RIMS3: variants seen among roughly 807,000 people sequenced by gnomAD.
RIMS3 encodes the protein regulating synaptic membrane exocytosis protein 3.
RIMS3 carries 15 observed loss-of-function variants against 29.2 expected under a neutral mutation model. That is an observed-to-expected ratio of 0.51 (90% CI 0.34 to 0.79). RIMS3 has a LOEUF of 0.79. Among genes scored for constraint, RIMS3 ranks in the 30% least tolerant of loss-of-function variants. The pLI, the probability that RIMS3 is intolerant of heterozygous loss-of-function variation, is 0.01. For synonymous variants in RIMS3, 161 were observed against 170.1 expected (o/e 0.95, Z 0.41); for missense variants, 342 against 421.4 (o/e 0.81, Z 1.65).
chr1:40,639,950 G>A (rs1357759042), intron 3 of RIMS3, among the ~76,000 whole-genome samples: 3 of 152,176 alleles, frequency 2.0e-5, no homozygotes, highest in Admixed American at 2.0e-4. Context: ...CTCTTCTCAA[G>A]ATGAAAGGTC....
At chr1:40,688,184 C>G in the RIMS3 span, among the ~76,000 whole-genome samples, 1 of 152,050 alleles carries the variant, frequency 6.6e-6, no homozygotes, top group African/African-American at 2.4e-5. Flanking sequence ...AGGCTGGTCT[C>G]GAACTCCTGA....
intron 1 of RIMS3, among the ~76,000 whole-genome samples, chr1:40,663,471 C>G (rs573971375): frequency 9.9e-5 from 15 of 152,206 alleles, no homozygotes; most frequent in South Asian, 2.1e-4. Context: ...CCTGCTCCCC[C>G]CTCCCCAGGG....
rs771160935 is a variant in RIMS3, at chr1:40,628,848, G to T, written c.676C>A (p.Leu226Met). Residue 226 changes from leucine to methionine, a missense_variant, in exon 7 of 8, where the codon CTG becomes ATG. Coordinates refer to ENST00000372684, the MANE Select transcript of RIMS3 (RefSeq NM_014747.3). ...CCCTGGGGTCCCTCGTCAAAGAGCA[G>T]AGCCTGCTGGTACAGGGGATCACAG... ...KTCDPLYQQA[L>M]LFDEGPQGKV... is the part of the protein sequence containing the mutation. 3.7e-6 allele frequency: 6 copies of T among 1,614,032 alleles called. No homozygotes were observed. The East Asian group carries it at 1.3e-4, about 36-fold the overall frequency.
chr1:40,641,219 C>T (rs980737933), intron 3 of RIMS3, among the ~76,000 whole-genome samples: 9 of 152,280 alleles, frequency 5.9e-5, no homozygotes, highest in Admixed American at 6.5e-5. Context: ...GTGACCCTCC[C>T]GCTTCTCCCT....
In RIMS3 at chr1:40,626,342, G is replaced by A. The variant is rs983307317; in HGVS notation, c.*175C>T. 26 of 660,930 alleles carry A rather than the reference G, an allele frequency of 3.9e-5. No homozygotes were observed. The highest frequency in any genetic ancestry group is 1.1e-4 in the East Asian group (4 of 36,640). 40.9% of individuals were successfully genotyped at this position (660,930 alleles called of 1,614,324 possible). A position where few individuals can be genotyped will look rare whatever the true frequency, so the allele number is the denominator to read the frequency against. ...TGGTCACGTACACACACACACACAC[G>A]CACGCACACACGCACACACTACAGT... On this transcript the variant is annotated 3_prime_UTR_variant, in exon 8 of 8. Coordinates refer to ENST00000372684, the MANE Select transcript of RIMS3 (RefSeq NM_014747.3).
chr1:40,657,746 CAAAAAAAA>C (rs34448324), intron 1 of RIMS3, among the ~76,000 whole-genome samples: 1 of 88,126 alleles, frequency 1.1e-5, no homozygotes, highest in Non-Finnish European at 2.2e-5. Flanking sequence ...GACAATGTCT[CAAAAAAAA>C]AAAAAAAAAA....
At chr1:40,672,995 C>T in the RIMS3 span, among the ~76,000 whole-genome samples, 1 of 152,026 alleles carries the variant, frequency 6.6e-6, no homozygotes, top group African/African-American at 2.4e-5. Flanking sequence ...ATCTGACCAA[C>T]ATGGTGAAAA....
At chr1:40,630,318 C>T (rs1192514904) in intron 5 of RIMS3, among the ~76,000 whole-genome samples, 2 of 152,124 alleles carry the variant, frequency 1.3e-5, no homozygotes, top group African/African-American at 2.4e-5. Context: ...TGTCAGTTAC[C>T]TGATTTCTAG....
chr1:40,680,809 TATTA>T, the RIMS3 span, among the ~76,000 whole-genome samples: 56 of 152,338 alleles, frequency 3.7e-4, no homozygotes, highest in East Asian at 3.1e-3. Context: ...TTTCATGATC[TATTA>T]ATTATTTATG....
chr1:40,634,403 G>A (rs1262959501), intron 4 of RIMS3, among the ~76,000 whole-genome samples: 2 of 152,180 alleles, frequency 1.3e-5, no homozygotes, highest in Non-Finnish European at 1.5e-5. Flanking sequence ...TTAGGACAAT[G>A]ATATCTGAGA....
chr1:40,629,925 A>C (rs12749490), intron 5 of RIMS3, among the ~76,000 whole-genome samples: 6,370 of 152,004 alleles, frequency 0.042, 151 homozygotes, highest in Non-Finnish European at 0.056. Context: ...AAATACAAAA[A>C]ATTAGCCAGG....
At chr1:40,627,966 CA>C (rs1247351063) in intron 7 of RIMS3, among the ~76,000 whole-genome samples, 1 of 152,164 alleles carries the variant, frequency 6.6e-6, no homozygotes, top group East Asian at 1.9e-4. Context: ...CCCAGAGGAG[CA>C]GCCCTAGATG....
chr1:40,679,374 T>C, the RIMS3 span, among the ~76,000 whole-genome samples: 781 of 152,290 alleles, frequency 5.1e-3, 2 homozygotes, highest in Non-Finnish European at 8.8e-3. Flanking sequence ...AAGAAGTGTC[T>C]GGGGAATGTA....
intron 3 of RIMS3, among the ~76,000 whole-genome samples, chr1:40,637,922 C>T (rs1007706372): frequency 6.6e-6 from 1 of 152,162 alleles, no homozygotes. Flanking sequence ...TCTGTGGGGG[C>T]TCCCTCGCCT....
chr1:40,650,530 CTG>C (rs1224835807), intron 1 of RIMS3, among the ~76,000 whole-genome samples: 1 of 152,160 alleles, frequency 6.6e-6, no homozygotes, highest in African/African-American at 2.4e-5. Context: ...TGCCCCTACT[CTG>C]TATTCCAGCC....
chr1:40,678,263 C>T, the RIMS3 span, among the ~76,000 whole-genome samples: 1 of 152,162 alleles, frequency 6.6e-6, no homozygotes, highest in Non-Finnish European at 1.5e-5. Context: ...CAAAAATTAG[C>T]TTGGTGTAGT....
intron 1 of RIMS3, among the ~76,000 whole-genome samples, chr1:40,653,016 G>T (rs1174560420): frequency 5.3e-5 from 8 of 152,136 alleles, no homozygotes; most frequent in African/African-American, 1.9e-4. Flanking sequence ...GAAGGATGGG[G>T]GTGAGAGGTG....
chr1:40,679,476 G>C, the RIMS3 span, among the ~76,000 whole-genome samples: 1 of 152,208 alleles, frequency 6.6e-6, no homozygotes, highest in African/African-American at 2.4e-5. Flanking sequence ...TTCAGCTAAT[G>C]TGGGTACCTT....
the RIMS3 span, among the ~76,000 whole-genome samples, chr1:40,680,330 GT>G: frequency 0.032 from 4,115 of 127,110 alleles, 62 homozygotes; most frequent in Middle Eastern, 0.069. Flanking sequence ...AGAGTAAATA[GT>G]TTTTTTTTTT....
Sources: gnomAD v4.1 joint callset for allele counts (sites outside exome capture counted in the v4.1 genomes callset) on GRCh38, gnomAD v4.1.1 for gene constraint, MANE v1.5 for transcripts, NCBI Gene and HGNC (gene_info 2026-07-23, HGNC 2026-07-21) for gene names.